The following XNDC1N variants were observed in gnomAD, a reference collection of about 807,000 sequenced individuals.
The protein encoded by XNDC1N is XRCC1 N-terminal domain containing 1, N-terminal like.
At chr11:71,881,152 C>G in the XNDC1N span, among the ~76,000 whole-genome samples, 1 of 152,182 alleles carries the variant, frequency 6.6e-6, no homozygotes, top group African/African-American at 2.4e-5. Context: ...GTATCTCTCT[C>G]TTTAGCTCTA....
chr11:71,904,444 G>C, the XNDC1N span, among the ~76,000 whole-genome samples: 1 of 152,092 alleles, frequency 6.6e-6, no homozygotes, highest in Non-Finnish European at 1.5e-5. Context: ...GTGATATCAG[G>C]AGTTGCATCT....
the XNDC1N span, among the ~76,000 whole-genome samples, chr11:71,909,012 AAAG>A: frequency 6.6e-6 from 1 of 152,208 alleles, no homozygotes; most frequent in Non-Finnish European, 1.5e-5. Flanking sequence ...CATTCAGGGT[AAAG>A]AAGAAAGTCC....
chr11:71,922,292 T>G, the XNDC1N span, among the ~76,000 whole-genome samples: 8 of 152,032 alleles, frequency 5.3e-5, no homozygotes, highest in South Asian at 2.1e-4. Context: ...CTAAGGGTTT[T>G]TTTGTTTGTT....
the XNDC1N span, chr11:71,884,438 T>A: frequency 5.0e-6 from 8 of 1,603,630 alleles, no homozygotes; most frequent in Non-Finnish European, 6.8e-6. Context: ...ATGAATGTCC[T>A]TCAGAATATT....
At chr11:71,913,665 TAAA>T in the XNDC1N span, among the ~76,000 whole-genome samples, 69,667 of 105,214 alleles carry the variant, frequency 0.66, 21,431 homozygotes, top group Non-Finnish European at 0.74. Context: ...TCTCAAAAGA[TAAA>T]AAAAAAAAAA....
chr11:71,900,054 G>C, the XNDC1N span, among the ~76,000 whole-genome samples: 1 of 151,838 alleles, frequency 6.6e-6, no homozygotes, highest in Non-Finnish European at 1.5e-5. Flanking sequence ...AAATCTGGCT[G>C]ATGTGCATGT....
At chr11:71,869,882 C>G in the XNDC1N span, among the ~76,000 whole-genome samples, 1 of 152,098 alleles carries the variant, frequency 6.6e-6, no homozygotes, top group Non-Finnish European at 1.5e-5. Context: ...TTTCTTTAAT[C>G]TTTGGTGTCG....
chr11:71,876,474 G>A, the XNDC1N span, among the ~76,000 whole-genome samples: 386 of 152,188 alleles, frequency 2.5e-3, 3 homozygotes, highest in African/African-American at 9.0e-3. Context: ...TTTGATATCC[G>A]TGATTGGTAG....
chr11:71,895,036 C>A, the XNDC1N span, among the ~76,000 whole-genome samples: 567 of 152,124 alleles, frequency 3.7e-3, 1 homozygote, highest in African/African-American at 0.013. Flanking sequence ...AGTCAAATCA[C>A]CTGGGGAGTT....
the XNDC1N span, among the ~76,000 whole-genome samples, chr11:71,900,409 C>G: frequency 3.3e-5 from 5 of 152,064 alleles, no homozygotes; most frequent in East Asian, 1.9e-4. Flanking sequence ...GGGTCGGGAG[C>G]CTTGTTTGGT....
chr11:71,895,296 T>C, the XNDC1N span, among the ~76,000 whole-genome samples: 3 of 151,996 alleles, frequency 2.0e-5, no homozygotes, highest in African/African-American at 7.3e-5. Flanking sequence ...TCTTACCATT[T>C]CGCATTTTCT....
At chr11:71,916,301 A>C in the XNDC1N span, 1 of 698,624 alleles carries the variant, frequency 1.4e-6, no homozygotes, top group East Asian at 2.7e-5. Flanking sequence ...AAATGCATAA[A>C]TGGGAGAGAC....
chr11:71,880,312 T>C, the XNDC1N span, among the ~76,000 whole-genome samples: 1 of 152,178 alleles, frequency 6.6e-6, no homozygotes, highest in Non-Finnish European at 1.5e-5. Context: ...CATATGGTTG[T>C]TTATAACAGA....
At chr11:71,872,564 A>C in the XNDC1N span, among the ~76,000 whole-genome samples, 1 of 151,950 alleles carries the variant, frequency 6.6e-6, no homozygotes, top group Admixed American at 6.6e-5. Flanking sequence ...TCTACTAAAA[A>C]AATACCAAAA....
the XNDC1N span, among the ~76,000 whole-genome samples, chr11:71,890,178 C>A: frequency 6.6e-6 from 1 of 152,144 alleles, no homozygotes; most frequent in Non-Finnish European, 1.5e-5. Flanking sequence ...GGAATGTTAT[C>A]CTCTCCCCTC....
the XNDC1N span, among the ~76,000 whole-genome samples, chr11:71,885,022 A>G: frequency 6.6e-6 from 1 of 152,082 alleles, no homozygotes; most frequent in Non-Finnish European, 1.5e-5. Context: ...CGGTGGATAC[A>G]CAGCCTGTTT....
At chr11:71,865,585 AT>A in the XNDC1N span, 1 of 160,794 alleles carries the variant, frequency 6.2e-6, no homozygotes, top group Non-Finnish European at 1.4e-5. Context: ...AAGAATGGCT[AT>A]TCCATAGGCA....
At chr11:71,874,625 G>A in the XNDC1N span, among the ~76,000 whole-genome samples, 18 of 152,208 alleles carry the variant, frequency 1.2e-4, no homozygotes, top group Admixed American at 6.5e-4. Context: ...GAAACTTATA[G>A]GAAACATCCA....
At chr11:71,884,504 C>A in the XNDC1N span, 8 of 1,609,932 alleles carry the variant, frequency 5.0e-6, no homozygotes, top group South Asian at 5.5e-5. Context: ...ACTGTGCTGA[C>A]TTCAGCATCT....
Sources: gnomAD v4.1 joint callset for allele counts (sites outside exome capture counted in the v4.1 genomes callset) on GRCh38, gnomAD v4.1.1 for gene constraint, MANE v1.5 for transcripts, NCBI Gene and HGNC (gene_info 2026-07-23, HGNC 2026-07-21) for gene names.